The following LOC400499 variants were observed in gnomAD, a reference collection of about 807,000 sequenced individuals.
the LOC400499 span, among the ~76,000 whole-genome samples, chr16:11,397,826 G>A: frequency 3.3e-5 from 5 of 151,706 alleles, no homozygotes; most frequent in African/African-American, 9.7e-5. Context: ...ATGGATGCAA[G>A]GGAGGAACGG....
the LOC400499 span, among the ~76,000 whole-genome samples, chr16:11,494,265 C>T: frequency 6.6e-6 from 1 of 150,586 alleles, no homozygotes; most frequent in African/African-American, 2.4e-5. Flanking sequence ...ACGCTCCAGA[C>T]CCCGCGGGCC....
At chr16:11,440,032 G>C in the LOC400499 span, among the ~76,000 whole-genome samples, 5 of 152,082 alleles carry the variant, frequency 3.3e-5, no homozygotes, top group African/African-American at 1.2e-4. Context: ...TACACAGCTA[G>C]TTAACAGTGG....
chr16:11,450,936 G>T, the LOC400499 span: 5 of 908,306 alleles, frequency 5.5e-6, no homozygotes, highest in Non-Finnish European at 8.2e-6. Context: ...TCAAAACTGG[G>T]AATAACTAGG....
the LOC400499 span, chr16:11,487,420 T>C: frequency 2.5e-6 from 1 of 398,666 alleles, no homozygotes; most frequent in Non-Finnish European, 4.4e-6. Flanking sequence ...GTACACTCTG[T>C]ACACTCACAG....
At chr16:11,460,227 C>T in the LOC400499 span, among the ~76,000 whole-genome samples, 1 of 152,194 alleles carries the variant, frequency 6.6e-6, no homozygotes, top group Non-Finnish European at 1.5e-5. Context: ...GACAAGATCT[C>T]ACTCTCCCAC....
the LOC400499 span, among the ~76,000 whole-genome samples, chr16:11,496,533 G>C: frequency 2.6e-5 from 4 of 152,178 alleles, no homozygotes; most frequent in Non-Finnish European, 4.4e-5. Context: ...GTTCCCACTT[G>C]GGTGTGCAGG....
the LOC400499 span, chr16:11,392,754 A>G: frequency 1.0e-6 from 1 of 983,202 alleles, no homozygotes; most frequent in Non-Finnish European, 1.2e-6. Context: ...TTTTTTTGAG[A>G]CACCAAGGCA....
chr16:11,404,801 G>T, the LOC400499 span: 1 of 399,052 alleles, frequency 2.5e-6, no homozygotes, highest in East Asian at 3.6e-5. Context: ...CCTGGCGCAG[G>T]ACACGGGTCC....
the LOC400499 span, among the ~76,000 whole-genome samples, chr16:11,522,965 A>G: frequency 6.6e-6 from 1 of 152,116 alleles, no homozygotes; most frequent in Non-Finnish European, 1.5e-5. Flanking sequence ...CCTAATTATA[A>G]CATCTCACCC....
the LOC400499 span, among the ~76,000 whole-genome samples, chr16:11,452,587 G>A: frequency 1.9e-3 from 283 of 152,352 alleles, 4 homozygotes; most frequent in African/African-American, 6.6e-3. Flanking sequence ...CTCCGGAGCT[G>A]GAAGGACAAC....
the LOC400499 span, chr16:11,385,082 G>A: frequency 4.9e-6 from 6 of 1,232,244 alleles, no homozygotes; most frequent in East Asian, 3.2e-5. Context: ...GCCAGAGGGG[G>A]CTGGGCAGGA....
At chr16:11,418,054 G>A in the LOC400499 span, among the ~76,000 whole-genome samples, 5 of 152,194 alleles carry the variant, frequency 3.3e-5, no homozygotes, top group Admixed American at 2.6e-4. Context: ...GAGAAAACGC[G>A]GAGAAACCAA....
At chr16:11,406,178 T>C in the LOC400499 span, among the ~76,000 whole-genome samples, 3 of 152,298 alleles carry the variant, frequency 2.0e-5, no homozygotes. Flanking sequence ...CTCACCCTCC[T>C]CCCTTTTGGA....
At chr16:11,518,400 G>A in the LOC400499 span, among the ~76,000 whole-genome samples, 3 of 152,106 alleles carry the variant, frequency 2.0e-5, no homozygotes, top group South Asian at 4.2e-4. Flanking sequence ...GGCTTGGCTG[G>A]GTCACAAAAG....
the LOC400499 span, chr16:11,449,128 G>C: frequency 7.1e-7 from 1 of 1,417,482 alleles, no homozygotes; most frequent in Non-Finnish European, 9.4e-7. Context: ...GTGAGGAGGG[G>C]GACCAAGGCC....
chr16:11,438,464 C>T, the LOC400499 span, among the ~76,000 whole-genome samples: 1 of 151,804 alleles, frequency 6.6e-6, no homozygotes, highest in Non-Finnish European at 1.5e-5. Flanking sequence ...GAATGAACAG[C>T]AGGTGTTTAA....
the LOC400499 span, among the ~76,000 whole-genome samples, chr16:11,512,510 G>T: frequency 6.6e-6 from 1 of 151,708 alleles, no homozygotes; most frequent in African/African-American, 2.4e-5. Context: ...GCTGAGGCAG[G>T]AGCACTGCGT....
At chr16:11,512,578 G>A in the LOC400499 span, among the ~76,000 whole-genome samples, 4 of 152,210 alleles carry the variant, frequency 2.6e-5, no homozygotes, top group African/African-American at 7.2e-5. Flanking sequence ...TCCAGCCTGG[G>A]CGACAAAGCA....
At chr16:11,422,105 G>A in the LOC400499 span, among the ~76,000 whole-genome samples, 1 of 152,324 alleles carries the variant, frequency 6.6e-6, no homozygotes, top group Non-Finnish European at 1.5e-5. Flanking sequence ...GTTTATCATT[G>A]AAACAGCGGG....
Sources: gnomAD v4.1 joint callset for allele counts (sites outside exome capture counted in the v4.1 genomes callset) on GRCh38, gnomAD v4.1.1 for gene constraint, MANE v1.5 for transcripts.